The following PCDH9 variants were observed in gnomAD, a reference collection of about 807,000 sequenced individuals.
PCDH9 encodes the protein protocadherin-9.
Under a neutral mutation model 70.6 loss-of-function variants are expected in PCDH9, and 24 were observed. That is an observed-to-expected ratio of 0.34 (90% CI 0.25 to 0.48). The LOEUF is 0.48. Ranked by LOEUF, PCDH9 falls within the 20% of genes least tolerant of loss-of-function variation. The pLI, the probability that PCDH9 is intolerant of heterozygous loss-of-function variation, is 0.99. For missense variants in PCDH9, 1,281 were observed against 1,503.6 expected, an observed-to-expected ratio of 0.85 and a Z score of 2.45; for synonymous variants, 562 against 558.5, an observed-to-expected ratio of 1.01 and a Z score of -0.09.
At chr13:66,338,592 T>C (rs111841590) in intron 4 of PCDH9, among the ~76,000 whole-genome samples, 12 of 152,130 alleles carry the variant, frequency 7.9e-5, no homozygotes, top group African/African-American at 2.4e-4. Context: ...CAATGGCAGA[T>C]GAACCCTTTC....
chr13:66,875,749 C>A (rs1049764676), intron 3 of PCDH9, among the ~76,000 whole-genome samples: 5 of 152,284 alleles, frequency 3.3e-5, no homozygotes, highest in South Asian at 4.1e-4. Context: ...TTACTGCTAA[C>A]AATTTACAGT....
chr13:66,318,417 A>G (rs192640885), intron 4 of PCDH9, among the ~76,000 whole-genome samples: 355 of 152,292 alleles, frequency 2.3e-3, no homozygotes, highest in African/African-American at 8.2e-3. Flanking sequence ...ATGTTGCCAT[A>G]TTTATCACAG....
At chr13:66,970,821 A>G (rs1158608689) in intron 2 of PCDH9, among the ~76,000 whole-genome samples, 1 of 151,838 alleles carries the variant, frequency 6.6e-6, no homozygotes, top group Non-Finnish European at 1.5e-5. Flanking sequence ...TCTCCATTAT[A>G]CATACAAGTC....
At chr13:66,728,914 G>A (rs1272933775) in intron 3 of PCDH9, among the ~76,000 whole-genome samples, 1 of 151,838 alleles carries the variant, frequency 6.6e-6, no homozygotes, top group Non-Finnish European at 1.5e-5. Flanking sequence ...CTTTTTGCCA[G>A]ATTTTTATTC....
chr13:66,413,680 C>T (rs1957412055), intron 4 of PCDH9, among the ~76,000 whole-genome samples: 2 of 150,628 alleles, frequency 1.3e-5, no homozygotes, highest in Admixed American at 6.6e-5. Context: ...AGCGAGACTC[C>T]ATCTTAAAAA....
At chr13:66,616,545 A>C (rs760640495) in intron 4 of PCDH9, among the ~76,000 whole-genome samples, 60 of 135,982 alleles carry the variant, frequency 4.4e-4, no homozygotes, top group Non-Finnish European at 7.8e-4. Context: ...CTTTCTGTGA[A>C]GCAACCAGCA....
intron 2 of PCDH9, among the ~76,000 whole-genome samples, chr13:67,061,855 G>A (rs1247858957): frequency 1.3e-5 from 2 of 152,072 alleles, no homozygotes; most frequent in Non-Finnish European, 2.9e-5. Context: ...TTCTTGAATC[G>A]TCTTTTGGGC....
chr13:66,952,854 T>C (rs1056929447), intron 2 of PCDH9, among the ~76,000 whole-genome samples: 7 of 152,134 alleles, frequency 4.6e-5, no homozygotes, highest in African/African-American at 1.7e-4. Context: ...CCGGGACCGA[T>C]ACTGTACCTG....
At chr13:66,475,665 C>T (rs965869872) in intron 4 of PCDH9, among the ~76,000 whole-genome samples, 6 of 151,938 alleles carry the variant, frequency 3.9e-5, no homozygotes, top group African/African-American at 7.3e-5. Context: ...GTATTTGATA[C>T]GAATTCTATT....
chr13:66,676,352 G>T (rs978002871), intron 3 of PCDH9, among the ~76,000 whole-genome samples: 1 of 151,898 alleles, frequency 6.6e-6, no homozygotes, highest in Non-Finnish European at 1.5e-5. Flanking sequence ...AATATCACAG[G>T]AATTTAGTAA....
In PCDH9 at chr13:66,304,562, C is replaced by A. The variant is rs370008725; in HGVS notation, c.*93G>T. On this transcript the variant is annotated 3_prime_UTR_variant, in exon 5 of 5. Transcript: ENST00000377865. ...TTATAGGTATCCCTGCTAGAAGGGG[C>A]ATAGTTGTAGAGATCTATTGAATAC... The A allele has an allele frequency of 2.6e-5, 25 of 960,414 alleles. 1 individual carries two copies. Among genetic ancestry groups the A allele is most frequent in the African/African-American group, 2.1e-4 (13 of 61,248 alleles). 59.5% of individuals were successfully genotyped at this position (960,414 alleles called of 1,614,324 possible).
At chr13:67,099,300 T>C (rs1035674559) in intron 2 of PCDH9, among the ~76,000 whole-genome samples, 4 of 152,228 alleles carry the variant, frequency 2.6e-5, no homozygotes, top group African/African-American at 9.6e-5. Flanking sequence ...CTTTTACATA[T>C]GCTATTTGTC....
In PCDH9 at chr13:66,351,118, C is replaced by T. The variant is rs552406908; in HGVS notation, c.3341-46090G>A. On this transcript the variant is annotated intron_variant, in intron 4 of 4. Transcript: ENST00000377865. ...ATAATCATTTCTCATGAACTTGCTC[C>T]GTGCCAGACACTGTACTAAATACTT... Among the ~76,000 whole-genome samples the T allele has an allele frequency of 3.9e-5, 6 of 152,122 alleles. No homozygotes were observed. In the South Asian group the frequency reaches 1.0e-3, roughly 26 times the overall value.
intron 3 of PCDH9, among the ~76,000 whole-genome samples, chr13:66,902,556 CAG>C (rs1278451731): frequency 6.6e-6 from 1 of 151,220 alleles, no homozygotes; most frequent in Non-Finnish European, 1.5e-5. Context: ...TGTAAGAAAA[CAG>C]AATACACACA....
chr13:67,060,479 T>G (rs886308701), intron 2 of PCDH9, among the ~76,000 whole-genome samples: 3 of 152,068 alleles, frequency 2.0e-5, no homozygotes, highest in African/African-American at 7.2e-5. Context: ...AAATGATAAC[T>G]ATTCTTTGTT....
At chr13:67,064,360 C>G (rs1382594691) in intron 2 of PCDH9, among the ~76,000 whole-genome samples, 2 of 152,098 alleles carry the variant, frequency 1.3e-5, no homozygotes, top group African/African-American at 4.8e-5. Flanking sequence ...TTTATAGAGA[C>G]AATCAGCCTG....
intron 4 of PCDH9, among the ~76,000 whole-genome samples, chr13:66,409,924 T>A (rs1286926553): frequency 6.6e-6 from 1 of 152,138 alleles, no homozygotes; most frequent in Admixed American, 6.5e-5. Context: ...AACCTGGCAA[T>A]CCTATTTTAA....
At chr13:66,623,277 AT>A (rs2077453905) in intron 4 of PCDH9, among the ~76,000 whole-genome samples, 1 of 152,232 alleles carries the variant, frequency 6.6e-6, no homozygotes, top group African/African-American at 2.4e-5. Flanking sequence ...TGAGTGTCCT[AT>A]AATTAAAAAT....
chr13:66,370,180 T>C (rs1190946000), intron 4 of PCDH9, among the ~76,000 whole-genome samples: 2 of 151,992 alleles, frequency 1.3e-5, no homozygotes, highest in Non-Finnish European at 2.9e-5. Flanking sequence ...GAGATGTAAA[T>C]CTTCTACAAA....
Sources: allele counts gnomAD v4.1 joint callset (sites outside exome capture counted in the v4.1 genomes callset), GRCh38; gene constraint gnomAD v4.1.1; transcripts MANE v1.5; gene names NCBI Gene and HGNC (gene_info 2026-07-23, HGNC 2026-07-21).